PDS5B: variants seen among roughly 807,000 people sequenced by gnomAD.
The protein encoded by PDS5B is sister chromatid cohesion protein PDS5 homolog B.
Under a neutral mutation model 184.1 loss-of-function variants are expected in PDS5B, and 51 were observed. The ratio of observed to expected loss-of-function variants is 0.28; its 90% CI spans 0.22 to 0.35. The LOEUF (loss-of-function observed/expected upper bound fraction) is 0.35, where lower values mean the gene tolerates loss of function less well. PDS5B is among the 10% of genes least tolerant of loss of function. The pLI is 1.00. For missense variants in PDS5B, 1,180 were observed against 1,723.3 expected, an observed-to-expected ratio of 0.68 and a Z score of 5.58; for synonymous variants, 566 against 569.2, an observed-to-expected ratio of 0.99 and a Z score of 0.08.
chr13:32,719,390 C>T (rs576652460), intron 19 of PDS5B, among the ~76,000 whole-genome samples: 10 of 152,236 alleles, frequency 6.6e-5, no homozygotes, highest in African/African-American at 2.4e-4. Flanking sequence ...GCCATGTTGC[C>T]CACGCTGGTC....
chr13:32,610,316 C>T (rs1176004063), intron 1 of PDS5B, among the ~76,000 whole-genome samples: 1 of 152,086 alleles, frequency 6.6e-6, no homozygotes, highest in African/African-American at 2.4e-5. Context: ...TTGCTGTTAG[C>T]GATTGAGTTC....
At chr13:32,757,531 G>A (rs1381507155) in intron 26 of PDS5B, among the ~76,000 whole-genome samples, 4 of 150,962 alleles carry the variant, frequency 2.6e-5, no homozygotes, top group African/African-American at 7.4e-5. Flanking sequence ...AGAGTTTTAC[G>A]TAATTAAGTT....
chr13:32,674,192 T>C (rs543090160), intron 8 of PDS5B, among the ~76,000 whole-genome samples: 2 of 152,270 alleles, frequency 1.3e-5, no homozygotes, highest in East Asian at 3.9e-4. Context: ...TTGGACAATA[T>C]AGTTTTCTTT....
At chr13:32,706,426 G>A (rs540779086) in intron 17 of PDS5B, among the ~76,000 whole-genome samples, 3 of 152,072 alleles carry the variant, frequency 2.0e-5, no homozygotes, top group African/African-American at 7.2e-5. Context: ...AGGTTTTATT[G>A]TATGTCTGTT....
chr13:32,691,347 C>G (rs1392743988), intron 13 of PDS5B: 1 of 152,078 alleles, frequency 6.6e-6, no homozygotes, highest in African/African-American at 2.4e-5. Flanking sequence ...ATTCATTTCA[C>G]TGTGCTATAG....
At chr13:32,743,619 T>C (rs899061014) in intron 23 of PDS5B, among the ~76,000 whole-genome samples, 21 of 152,162 alleles carry the variant, frequency 1.4e-4, no homozygotes, top group African/African-American at 5.1e-4. Flanking sequence ...CCAGCTGCCT[T>C]CTGCCTTTCC....
chr13:32,743,250 T>C (rs1369856676), intron 23 of PDS5B, among the ~76,000 whole-genome samples: 1 of 152,118 alleles, frequency 6.6e-6, no homozygotes. Context: ...AAATTCTGGT[T>C]CCACCACTTA....
At chr13:32,773,842 C>G (rs1365992040) in intron 34 of PDS5B, among the ~76,000 whole-genome samples, 1 of 152,142 alleles carries the variant, frequency 6.6e-6, no homozygotes. Flanking sequence ...CACTCTGTCA[C>G]CCAGGCTGGA....
intron 1 of PDS5B, among the ~76,000 whole-genome samples, chr13:32,612,032 G>A (rs2058151680): frequency 6.6e-6 from 1 of 151,640 alleles, no homozygotes; most frequent in Admixed American, 6.6e-5. Flanking sequence ...TCTGTTGGCA[G>A]ACTTTCAGAC....
At chr13:32,696,064 A>G (rs2140854599) in intron 14 of PDS5B, among the ~76,000 whole-genome samples, 1 of 152,250 alleles carries the variant, frequency 6.6e-6, no homozygotes, top group South Asian at 2.1e-4. Context: ...GATGCTTTAA[A>G]TTCCAAATAG....
At chr13:32,636,711 G>A (rs1164993243) in intron 1 of PDS5B, among the ~76,000 whole-genome samples, 2 of 152,228 alleles carry the variant, frequency 1.3e-5, no homozygotes, top group East Asian at 3.8e-4. Context: ...GTATGTAGCA[G>A]TGAACAAATT....
intron 1 of PDS5B, among the ~76,000 whole-genome samples, chr13:32,617,336 G>A (rs2058234525): frequency 6.6e-6 from 1 of 152,148 alleles, no homozygotes; most frequent in Non-Finnish European, 1.5e-5. Context: ...AGAGAGAGAG[G>A]TGTAATGATT....
intron 1 of PDS5B, among the ~76,000 whole-genome samples, chr13:32,593,227 C>T (rs1197107955): frequency 1.3e-5 from 2 of 152,176 alleles, no homozygotes; most frequent in Non-Finnish European, 2.9e-5. Context: ...TAGTGTTGTA[C>T]TGGGTGACTA....
At chr13:32,683,764 G>A (rs974891423) in intron 10 of PDS5B, 114 bp from the exon 11 acceptor site, 1 of 613,584 alleles carries the variant, frequency 1.6e-6, no homozygotes, top group African/African-American at 2.0e-5. Flanking sequence ...TAATTTTCTT[G>A]AAACTTCTAT....
chr13:32,615,582 T>C (rs1254782816), intron 1 of PDS5B, among the ~76,000 whole-genome samples: 2 of 152,188 alleles, frequency 1.3e-5, no homozygotes, highest in Non-Finnish European at 2.9e-5. Flanking sequence ...TTATAATGAG[T>C]GAAGAGAAAG....
At chr13:32,675,206 T>C (rs1329450691) in intron 8 of PDS5B, among the ~76,000 whole-genome samples, 2 of 152,216 alleles carry the variant, frequency 1.3e-5, no homozygotes, top group Non-Finnish European at 2.9e-5. Context: ...TGTGACTGGC[T>C]CATTCACTTA....
intron 1 of PDS5B, among the ~76,000 whole-genome samples, chr13:32,593,676 A>G (rs1050098176): frequency 6.6e-6 from 1 of 152,210 alleles, no homozygotes; most frequent in Non-Finnish European, 1.5e-5. Context: ...TAGAGAGAAG[A>G]CAATGTTATT....
chr13:32,702,388 A>G lies in PDS5B; in HGVS notation c.1856+950A>G, dbSNP rs191156665. Reference sequence around the variant, plus strand: ...TATATTTGTAAGAGGAAGACTCTGAATCAGACAAATTTATTAAGTAAGTAA... The same window carrying G: ...TATATTTGTAAGAGGAAGACTCTGAGTCAGACAAATTTATTAAGTAAGTAA... On this transcript the variant is annotated intron_variant, in intron 17 of 34. Transcript: ENST00000315596. Among the ~76,000 whole-genome samples, 355 of 152,296 alleles carry G rather than the reference A, an allele frequency of 2.3e-3. 2 individuals carry two copies. The highest frequency in any genetic ancestry group is 8.3e-3 in the African/African-American group (344 of 41,572).
chr13:32,659,066 G>A (rs967978718), intron 5 of PDS5B, 88 bp from the exon 6 acceptor site: 33 of 868,370 alleles, frequency 3.8e-5, no homozygotes, highest in Non-Finnish European at 5.1e-5. Context: ...TATTATTTTT[G>A]TAAAGCATAA....
Sources: allele counts gnomAD v4.1 joint callset (sites outside exome capture counted in the v4.1 genomes callset), GRCh38; gene constraint gnomAD v4.1.1; transcripts MANE v1.5; gene names NCBI Gene and HGNC (gene_info 2026-07-23, HGNC 2026-07-21).